Variants in STX7 observed in about 807,000 individuals in gnomAD.
STX7 encodes syntaxin-7.
In STX7, 34 loss-of-function variants were observed where a neutral mutation model predicts 39.6. The observed-to-expected ratio is 0.86, with a 90% confidence interval of 0.65 to 1.14. STX7 has a LOEUF of 1.14. Among genes scored for constraint, STX7 ranks in the 50% most tolerant of loss-of-function variants. The pLI is 0.00. For synonymous variants in STX7, 119 were observed against 99.1 expected (o/e 1.20, Z -1.19); for missense variants, 284 against 310.4 (o/e 0.92, Z 0.64).
chr6:132,485,107 C>T (rs963388922), intron 2 of STX7, among the ~76,000 whole-genome samples: 10 of 152,270 alleles, frequency 6.6e-5, no homozygotes, highest in Middle Eastern at 6.8e-3. Context: ...ACCATCATCA[C>T]ACTTAAGACA....
intron 2 of STX7, among the ~76,000 whole-genome samples, chr6:132,498,363 A>G (rs1467579125): frequency 6.6e-6 from 1 of 152,162 alleles, no homozygotes; most frequent in African/African-American, 2.4e-5. Context: ...AAAAGACTGC[A>G]GATGGTCTTA....
chr6:132,463,885 C>A, intron 9 of STX7, 108 bp downstream of exon 9: 2 of 1,016,014 alleles, frequency 2.0e-6, no homozygotes, highest in Non-Finnish European at 3.1e-6. Context: ...TAAATTTTAA[C>A]ATCTTCAGCC....
rs777045654 is a variant in STX7 at position 132,471,489 on chromosome 6, G to A, written c.361C>T (p.Arg121Ter). The A allele has an allele frequency of 3.1e-6, 5 of 1,613,688 alleles. No homozygotes were observed. Among genetic ancestry groups the A allele is most frequent in the Admixed American group, 3.3e-5 (2 of 59,964 alleles). Residue 121 changes from arginine to a stop codon, truncating the protein, a stop_gained, in exon 5 of 10, where the codon CGA becomes TGA. Coordinates refer to ENST00000367941, the MANE Select transcript of STX7 (RefSeq NM_003569.3). LOFTEE classifies it high-confidence loss of function. ...AAEREKEFVA[R>*]VRASSRVSGS... The stretch of plus-strand genomic sequence containing the variant: ...GACACTCTGGAACTGGCTCTTACTC[G>A]AGCAACAAACTCTTTCTCTCGCTCA...
At chr6:132,463,916 CT>C (rs747024860) in intron 9 of STX7, 76 bp downstream of exon 9, 51 of 1,394,238 alleles carry the variant, frequency 3.7e-5, no homozygotes, top group Admixed American at 5.1e-5. Context: ...TAATCTCTCC[CT>C]GCTTCCTCAA....
At chr6:132,491,341 G>A (rs1775281743) in intron 2 of STX7, among the ~76,000 whole-genome samples, 1 of 151,466 alleles carries the variant, frequency 6.6e-6, no homozygotes, top group Non-Finnish European at 1.5e-5. Flanking sequence ...TTAAGAGATG[G>A]CCAGATAACA....
intron 6 of STX7, 23 bp from the exon 7 acceptor site, chr6:132,470,070 G>C (rs1562323816): frequency 1.3e-6 from 2 of 1,537,944 alleles, no homozygotes; most frequent in Non-Finnish European, 8.7e-7. Context: ...AATGAATGTG[G>C]AAAAAAACAA....
chr6:132,479,259 A>C (rs1257825587), intron 2 of STX7, among the ~76,000 whole-genome samples: 2 of 152,214 alleles, frequency 1.3e-5, no homozygotes, highest in Non-Finnish European at 2.9e-5. Flanking sequence ...CAAAAAGAAA[A>C]GACCATCCAG....
At chr6:132,476,596 T>C (rs1774882339) in intron 2 of STX7, among the ~76,000 whole-genome samples, 1 of 151,996 alleles carries the variant, frequency 6.6e-6, no homozygotes, top group African/African-American at 2.4e-5. Flanking sequence ...CTGGAGAAAT[T>C]TGAATACAGA....
At chr6:132,488,329 G>C (rs1403942989) in intron 2 of STX7, among the ~76,000 whole-genome samples, 1 of 152,104 alleles carries the variant, frequency 6.6e-6, no homozygotes, top group Non-Finnish European at 1.5e-5. Flanking sequence ...TAAATGTTCT[G>C]GGTGCACTTG....
intron 1 of STX7, among the ~76,000 whole-genome samples, chr6:132,512,658 G>A (rs922401405): frequency 1.1e-4 from 16 of 152,232 alleles, no homozygotes; most frequent in Non-Finnish European, 2.1e-4. Context: ...CTGGGCCCCA[G>A]CCGGCTCTGG....
At chr6:132,511,640 T>C (rs986141539) in intron 1 of STX7, among the ~76,000 whole-genome samples, 1 of 152,234 alleles carries the variant, frequency 6.6e-6, no homozygotes, top group Non-Finnish European at 1.5e-5. Flanking sequence ...TCTACATAAG[T>C]ATCCTCTGCA....
At chr6:132,506,610 GA>G (rs1562341946) in intron 1 of STX7, among the ~76,000 whole-genome samples, 1 of 151,068 alleles carries the variant, frequency 6.6e-6, no homozygotes, top group East Asian at 1.9e-4. Flanking sequence ...ATCTTGAACG[GA>G]AAAAAAAGAA....
chr6:132,464,129 G>T, intron 8 of STX7, 54 bp from the exon 9 acceptor site: 1 of 1,465,680 alleles, frequency 6.8e-7, no homozygotes, highest in Non-Finnish European at 9.5e-7. Context: ...TGATGCTCCA[G>T]TAACAAATCA....
rs1341272185 is a variant in STX7 at position 132,453,793 on chromosome 6, G to A, written c.*6965C>T. On this transcript the variant is annotated 3_prime_UTR_variant, in exon 10 of 10. Transcript: ENST00000367941. The stretch of plus-strand genomic sequence containing the variant: ...AAGAGACACCACCAAATGCTGAAAA[G>A]GACATGAAGCAACTAGATCACTCAT... 1 of 151,830 alleles carries A rather than the reference G, an allele frequency of 6.6e-6. No homozygotes were observed. The highest frequency in any genetic ancestry group is 2.4e-5 in the African/African-American group (1 of 41,328). The allele number at this position is 151,830 out of a possible 1,614,324, so 9.4% of individuals were successfully genotyped here. A position where few individuals can be genotyped will look rare whatever the true frequency, so the allele number is the denominator to read the frequency against.
At chr6:132,485,203 T>C (rs2114422697) in intron 2 of STX7, among the ~76,000 whole-genome samples, 1 of 152,308 alleles carries the variant, frequency 6.6e-6, no homozygotes, top group African/African-American at 2.4e-5. Flanking sequence ...CCCCCCTCCA[T>C]CACCAAGCAA....
At position 132,493,694 on chromosome 6, in the gene STX7, A is replaced by G. The variant is rs138036543; in HGVS notation, c.85+9752T>C. On this transcript the variant is annotated intron_variant, in intron 2 of 9. Transcript: ENST00000367941. The stretch of plus-strand genomic sequence containing the variant: ...TTTATTAGCAATGTGAGAATGGACT[A>G]ATACACTGTTTAATAAAAACATTGT... Among the ~76,000 whole-genome samples the G allele has an allele frequency of 1.0e-3, 153 of 152,360 alleles. 1 individual carries two copies. The highest frequency in any genetic ancestry group is 3.4e-3 in the Middle Eastern group (1 of 294).
intron 8 of STX7, among the ~76,000 whole-genome samples, 179 bp downstream of exon 8, chr6:132,468,224 A>G (rs3765577): frequency 0.24 from 36,029 of 152,144 alleles, 4,638 homozygotes; most frequent in East Asian, 0.54. Flanking sequence ...CGAGTTAAAA[A>G]TGAGATCTGT....
At chr6:132,510,203 T>C (rs931514983) in intron 1 of STX7, among the ~76,000 whole-genome samples, 1 of 152,216 alleles carries the variant, frequency 6.6e-6, no homozygotes, top group Non-Finnish European at 1.5e-5. Flanking sequence ...ATTTATTGCA[T>C]ATTTTCAAAT....
intron 2 of STX7, among the ~76,000 whole-genome samples, chr6:132,477,318 A>T (rs1020897369): frequency 6.6e-6 from 1 of 152,112 alleles, no homozygotes; most frequent in African/African-American, 2.4e-5. Context: ...TATTTTCTTA[A>T]GCGTATTGAT....
Sources: allele counts gnomAD v4.1 joint callset (sites outside exome capture counted in the v4.1 genomes callset), GRCh38; gene constraint gnomAD v4.1.1; transcripts MANE v1.5; gene names NCBI Gene and HGNC (gene_info 2026-07-23, HGNC 2026-07-21).